Variants in TNS3 observed in about 807,000 individuals in gnomAD.
TNS3 encodes the protein tensin 3, also known as tensin-3.
TNS3 carries 45 observed loss-of-function variants against 140.9 expected under a neutral mutation model. The observed-to-expected ratio is 0.32, with a 90% CI of 0.25 to 0.41. The LOEUF (loss-of-function observed/expected upper bound fraction) is 0.41, where lower values mean the gene tolerates loss of function less well. Ranked by LOEUF, TNS3 falls within the 10% of genes least tolerant of loss-of-function variation. TNS3 has a pLI of 1.00. For synonymous variants in TNS3, 815 were observed against 788.4 expected (o/e 1.03, Z -0.56); for missense variants, 1,716 against 1,906.7 (o/e 0.90, Z 1.86).
intron 4 of TNS3, among the ~76,000 whole-genome samples, chr7:47,471,522 G>A (rs1296355859): frequency 6.6e-6 from 1 of 152,210 alleles, no homozygotes; most frequent in Non-Finnish European, 1.5e-5. Flanking sequence ...CAGGGCACCC[G>A]CGGGCCCTGC....
intron 17 of TNS3, among the ~76,000 whole-genome samples, chr7:47,356,680 G>A (rs1038380774): frequency 3.3e-5 from 5 of 152,134 alleles, no homozygotes; most frequent in African/African-American, 1.2e-4. Context: ...TATGTCCATT[G>A]GTTTGACTGT....
At chr7:47,312,422 G>C (rs1214900057) in intron 20 of TNS3, among the ~76,000 whole-genome samples, 1 of 152,022 alleles carries the variant, frequency 6.6e-6, no homozygotes, top group Admixed American at 6.6e-5. Flanking sequence ...TCTTTGCTGG[G>C]GCTGGGTGCG....
At chr7:47,482,101 C>A (rs890071982) in intron 3 of TNS3, among the ~76,000 whole-genome samples, 1 of 152,220 alleles carries the variant, frequency 6.6e-6, no homozygotes, top group African/African-American at 2.4e-5. Flanking sequence ...GGTGAGTGAC[C>A]TCACTCCTTA....
intron 2 of TNS3, among the ~76,000 whole-genome samples, chr7:47,509,051 C>T (rs749427612): frequency 6.6e-5 from 10 of 152,180 alleles, no homozygotes; most frequent in African/African-American, 2.4e-5. Flanking sequence ...ATAACAGATG[C>T]TTACTGCTAT....
rs370415086 is a variant in TNS3, at chr7:47,420,527, C to T, written c.473+3574G>A. On this transcript the variant is annotated intron_variant, in intron 10 of 30. Transcript: ENST00000311160. ...GCATGCGTACAACTTCCTAAACATA[C>T]TGCATGTGCTCACTTCCCAAGCAAA... is the stretch of plus-strand genomic sequence containing the variant. 1.6e-4 allele frequency among the ~76,000 whole-genome samples: 25 copies of T among 152,288 alleles called. 1 individual carries two copies. Among genetic ancestry groups the T allele is most frequent in the African/African-American group, 5.8e-4 (24 of 41,548 alleles).
intron 7 of TNS3, among the ~76,000 whole-genome samples, chr7:47,437,040 T>G (rs1795219106): frequency 6.6e-6 from 1 of 152,182 alleles, no homozygotes; most frequent in South Asian, 2.1e-4. Context: ...CTGGAAAGAC[T>G]GGGTGAGAAG....
intron 1 of TNS3, among the ~76,000 whole-genome samples, chr7:47,561,656 A>C (rs1665783169): frequency 2.0e-5 from 3 of 152,198 alleles, no homozygotes; most frequent in African/African-American, 7.2e-5. Flanking sequence ...TTGCTGAATA[A>C]GTAAATGGAA....
At position 47,572,732 on chromosome 7, in the gene TNS3, G is replaced by A. The variant is rs186511294; in HGVS notation, c.-265+9319C>T. On this transcript the variant is annotated intron_variant, in intron 1 of 30. Transcript: ENST00000311160. ...CTCTACTAAAAATACAAAAATTAGC[G>A]GGGCGTGGTGGCACACGTCTGTAGT... is the stretch of plus-strand genomic sequence containing the variant. Among the ~76,000 whole-genome samples the A allele has an allele frequency of 2.0e-3, 301 of 152,114 alleles. 1 individual carries two copies. The highest frequency in any genetic ancestry group is 3.4e-3 in the Middle Eastern group (1 of 294).
intron 3 of TNS3, among the ~76,000 whole-genome samples, chr7:47,501,198 G>A (rs1037831032): frequency 3.5e-5 from 2 of 57,208 alleles, no homozygotes; most frequent in Admixed American, 1.7e-4. Flanking sequence ...GGGAGGGAGG[G>A]AGGGAGGGAG....
At chr7:47,484,520 C>T (rs1454890164) in intron 3 of TNS3, among the ~76,000 whole-genome samples, 1 of 152,194 alleles carries the variant, frequency 6.6e-6, no homozygotes, top group African/African-American at 2.4e-5. Flanking sequence ...ATGCTCATAC[C>T]GGCCTGCTCA....
intron 17 of TNS3, among the ~76,000 whole-genome samples, chr7:47,361,762 C>T (rs577759242): frequency 6.6e-6 from 1 of 152,066 alleles, no homozygotes; most frequent in Non-Finnish European, 1.5e-5. Flanking sequence ...GAGCAGATGC[C>T]GAGTCTGGGA....
intron 11 of TNS3, among the ~76,000 whole-genome samples, chr7:47,414,520 C>T (rs944077032): frequency 2.0e-5 from 3 of 152,078 alleles, no homozygotes; most frequent in Non-Finnish European, 4.4e-5. Context: ...TGCTGACCCT[C>T]GGCCATATAC....
intron 2 of TNS3, among the ~76,000 whole-genome samples, chr7:47,514,294 T>C (rs1255458334): frequency 6.6e-6 from 1 of 152,198 alleles, no homozygotes; most frequent in Admixed American, 6.5e-5. Flanking sequence ...ATAACTACCA[T>C]GTTCTCCTGA....
At chr7:47,546,446 G>GT (rs1316382570) in intron 1 of TNS3, among the ~76,000 whole-genome samples, 1 of 152,074 alleles carries the variant, frequency 6.6e-6, no homozygotes, top group Non-Finnish European at 1.5e-5. Flanking sequence ...CACATCCACT[G>GT]AATAAGAGCC....
chr7:47,580,692 G>T (rs1490083213), intron 1 of TNS3, among the ~76,000 whole-genome samples: 1 of 151,718 alleles, frequency 6.6e-6, no homozygotes, highest in Non-Finnish European at 1.5e-5. Flanking sequence ...AACCTCACAG[G>T]CCCCAAAGAG....
intron 7 of TNS3, among the ~76,000 whole-genome samples, chr7:47,436,612 A>T (rs1456391983): frequency 2.0e-5 from 3 of 152,216 alleles, no homozygotes; most frequent in African/African-American, 4.8e-5. Context: ...AAAAAATTTT[A>T]AAAATTTTTT....
chr7:47,558,557 G>C (rs1387483138), intron 1 of TNS3, among the ~76,000 whole-genome samples: 1 of 152,110 alleles, frequency 6.6e-6, no homozygotes, highest in Non-Finnish European at 1.5e-5. Context: ...TCATTCTAAG[G>C]ACTTGGGGTT....
chr7:47,365,529 C>T (rs144237730), intron 17 of TNS3, among the ~76,000 whole-genome samples: 1,773 of 151,986 alleles, frequency 0.012, 33 homozygotes, highest in African/African-American at 0.038. Flanking sequence ...TTTGGGAAGC[C>T]GAGGGGGGCG....
intron 20 of TNS3, among the ~76,000 whole-genome samples, chr7:47,327,006 G>A (rs138040785): frequency 1.7e-4 from 25 of 150,936 alleles, no homozygotes; most frequent in South Asian, 6.3e-4. Flanking sequence ...ACACACACAC[G>A]CTGTGTCGGC....
Sources: allele counts gnomAD v4.1 joint callset (sites outside exome capture counted in the v4.1 genomes callset), GRCh38; gene constraint gnomAD v4.1.1; transcripts MANE v1.5; gene names NCBI Gene and HGNC (gene_info 2026-07-23, HGNC 2026-07-21).